Variants in LMO7 observed in about 807,000 individuals in gnomAD.
The protein encoded by LMO7 is LIM domain 7.
In LMO7, 120 loss-of-function variants were observed where a neutral mutation model predicts 206.5. That is an observed-to-expected ratio of 0.58 (90% CI 0.50 to 0.68). LMO7 has a LOEUF of 0.68. LMO7 is among the 30% of genes least tolerant of loss of function. LMO7 has a pLI of 0.00. For synonymous variants in LMO7, 706 were observed against 681.5 expected, an observed-to-expected ratio of 1.04 and a Z score of -0.56; for missense variants, 1,959 against 1,957.9, an observed-to-expected ratio of 1.00 and a Z score of -0.01.
At chr13:75,800,500 A>G (rs2054588602) in intron 6 of LMO7, among the ~76,000 whole-genome samples, 184 bp from the exon 7 acceptor site, 2 of 152,202 alleles carry the variant, frequency 1.3e-5, no homozygotes, top group Admixed American at 1.3e-4. Context: ...AGTTGTGGGC[A>G]AACAATTACA....
In LMO7 at chr13:75,802,248, C is replaced by T. The variant is rs77046595; in HGVS notation, c.661+1366C>T. 3.5e-4 allele frequency among the ~76,000 whole-genome samples: 54 copies of T among 152,208 alleles called. 1 individual carries two copies. The East Asian group carries it at 8.9e-3, about 25-fold the overall frequency. Reference sequence around the variant, plus strand: ...GTTTTTAAAAATAAAAAATGTGAAACGCTATTTCAGCATTAACCTTTATAA... The same window carrying T: ...GTTTTTAAAAATAAAAAATGTGAAATGCTATTTCAGCATTAACCTTTATAA... On this transcript the variant is annotated intron_variant, in intron 7 of 30. Coordinates refer to ENST00000377534, the MANE Select transcript of LMO7 (RefSeq NM_001306080.2).
chr13:75,705,945 A>G (rs929495661), intron 1 of LMO7, among the ~76,000 whole-genome samples: 7 of 142,700 alleles, frequency 4.9e-5, no homozygotes, highest in Non-Finnish European at 1.1e-4. Flanking sequence ...ACAGACATTT[A>G]TCTGCTAAGA....
chr13:75,720,537 C>T (rs75843554), intron 2 of LMO7, among the ~76,000 whole-genome samples: 1,868 of 152,124 alleles, frequency 0.012, 45 homozygotes, highest in African/African-American at 0.042. Flanking sequence ...GTCTAAATGC[C>T]GTTTGCCTTT....
In LMO7 at chr13:75,853,334, C is replaced by T. The variant is rs778777383; in HGVS notation, c.4607C>T (p.Thr1536Ile). The T allele has an allele frequency of 5.6e-6, 9 of 1,613,302 alleles. No homozygotes were observed. In the East Asian group the frequency reaches 1.8e-4, roughly 32 times the overall value. Residue 1536 changes from threonine (T) to isoleucine (I), a missense_variant, in exon 28 of 31, where the codon ACC (threonine) becomes ATC (isoleucine). By Grantham distance (89) the Thr-to-Ile change is moderately conservative. Transcript: ENST00000377534. ...TTGVATTQSP[T>I]PRSHSPSASQ... ...GGTGTGGCCACCACACAGTCCCCCA[C>T]CCCGAGAAGCCATTCCCCTTCAGCT...
intron 12 of LMO7, chr13:75,819,181 T>G: frequency 2.4e-6 from 1 of 424,768 alleles, no homozygotes; most frequent in Non-Finnish European, 4.1e-6. Flanking sequence ...AAAAATGGGG[T>G]CTATCTTATT....
rs1566545330 is a variant in LMO7, at chr13:75,821,639, GT to G, written c.2640+32del. On this transcript the variant is annotated intron_variant, in intron 14 of 30. Transcript: ENST00000377534. ...AAAATGTTCTCGGTTCATTTAGTCT[GT>G]TCTGAAGAGCAAAATGTTGGTGAAC... 4 of 1,512,994 alleles carry G rather than the reference GT, an allele frequency of 2.6e-6. No homozygotes were observed. The Admixed American group carries it at 7.5e-5, about 28-fold the overall frequency. 93.7% of individuals were successfully genotyped at this position (1,512,994 alleles called of 1,614,324 possible).
At chr13:75,791,227 T>C (rs2053242044) in intron 4 of LMO7, among the ~76,000 whole-genome samples, 2 of 152,174 alleles carry the variant, frequency 1.3e-5, no homozygotes, top group Admixed American at 6.5e-5. Flanking sequence ...AGCACTTTGG[T>C]CTTTGTTTCT....
chr13:75,779,911 A>T (rs890719331), intron 4 of LMO7, among the ~76,000 whole-genome samples: 1 of 152,086 alleles, frequency 6.6e-6, no homozygotes, highest in Non-Finnish European at 1.5e-5. Context: ...TACAAAAGAG[A>T]TAAATTTTAA....
Position 75,834,357 on chromosome 13 carries a change from G to T in LMO7, c.3196G>T (p.Val1066Leu). 6.2e-7 allele frequency: 1 copy of T among 1,607,224 alleles called. No homozygotes were observed. The highest frequency in any genetic ancestry group is 8.5e-7 in the Non-Finnish European group (1 of 1,176,856). The part of the protein sequence containing the change: ...MAKAQETGHL[V>L]MDVRRYGKAG... ...TAAGGCTCAAGAAACTGGACACCTA[G>T]TGATGGATGTGAGGCGCTATGGAAA... The change falls in exon 17 of 31, where the codon GTG becomes TTG. Residue 1066 changes from valine (V) to leucine (L), a missense_variant. Val to Leu is a conservative substitution (Grantham distance 32). Coordinates refer to ENST00000377534, the MANE Select transcript of LMO7 (RefSeq NM_001306080.2).
intron 1 of LMO7, among the ~76,000 whole-genome samples, chr13:75,663,480 G>T (rs531974214): frequency 8.3e-5 from 11 of 131,938 alleles, no homozygotes; most frequent in Non-Finnish European, 1.4e-4. Flanking sequence ...GCCCAGGCTG[G>T]AGTGCAGTGG....
At chr13:75,663,331 T>A (rs9600516) in intron 1 of LMO7, among the ~76,000 whole-genome samples, 33,603 of 149,604 alleles carry the variant, frequency 0.22, 4,139 homozygotes, top group East Asian at 0.35. Context: ...TCAGATTTTT[T>A]TAAAAATTTT....
At chr13:75,624,333 T>C (rs2033743148) in intron 2 of LMO7, among the ~76,000 whole-genome samples, 1 of 152,244 alleles carries the variant, frequency 6.6e-6, no homozygotes, top group South Asian at 2.1e-4. Flanking sequence ...TTAGATGCTT[T>C]GCAGCTTTAT....
chr13:75,626,051 G>A (rs2034022641), intron 2 of LMO7, among the ~76,000 whole-genome samples: 1 of 152,162 alleles, frequency 6.6e-6, no homozygotes, highest in African/African-American at 2.4e-5. Context: ...AGATCACTGG[G>A]CTCTTACAAT....
chr13:75,817,133 G>A (rs763362566), intron 11 of LMO7, 28 bp from the exon 12 acceptor site: 84 of 1,531,630 alleles, frequency 5.5e-5, no homozygotes, highest in African/African-American at 1.6e-4. Context: ...GTGAACTTCC[G>A]TAGTAACCAT....
chr13:75,752,276 G>T (rs924228268), intron 3 of LMO7, among the ~76,000 whole-genome samples: 65 of 151,206 alleles, frequency 4.3e-4, no homozygotes, highest in Non-Finnish European at 8.6e-4. Flanking sequence ...AATTACAGGC[G>T]CCCGCCACTA....
chr13:75,760,702 A>G, intron 3 of LMO7: 1 of 1,527,524 alleles, frequency 6.5e-7, no homozygotes, highest in South Asian at 1.2e-5. Context: ...GATCACAGAA[A>G]CAGTGTATGC....
intron 1 of LMO7, among the ~76,000 whole-genome samples, chr13:75,655,067 C>T (rs2037925919): frequency 6.6e-6 from 1 of 152,096 alleles, no homozygotes; most frequent in Non-Finnish European, 1.5e-5. Context: ...GACGGGGTTT[C>T]ACCATGTTGG....
Position 75,800,871 on chromosome 13 carries a change from G to T in LMO7, c.650G>T (p.Gly217Val), listed in dbSNP as rs184524173. 24 of 1,613,900 alleles carry T rather than the reference G, an allele frequency of 1.5e-5. No individual in the cohort carries two copies. In the Middle Eastern group the frequency reaches 4.9e-4, roughly 33 times the overall value. Residue 217 changes from glycine to valine, a missense_variant, in exon 7 of 31, where the codon GGG (glycine) becomes GTG (valine). Coordinates refer to ENST00000377534, the MANE Select transcript of LMO7 (RefSeq NM_001306080.2). ...TGCTCCTCTGATATCACGTTGAGAG[G>T]GGGGCGTGAAGGTGTGTTGTGTTTT... ...TSCSSDITLR[G>V]GREGFESDTD...
intron 1 of LMO7, among the ~76,000 whole-genome samples, chr13:75,700,287 A>G (rs1336824715): frequency 1.3e-5 from 2 of 152,234 alleles, no homozygotes; most frequent in East Asian, 3.8e-4. Context: ...CAGGCATAGG[A>G]AATTATAAGA....
Sources: allele counts gnomAD v4.1 joint callset (sites outside exome capture counted in the v4.1 genomes callset), GRCh38; gene constraint gnomAD v4.1.1; transcripts MANE v1.5; gene names NCBI Gene and HGNC (gene_info 2026-07-23, HGNC 2026-07-21).